The following ZSCAN4 variants were observed in gnomAD, a reference collection of about 807,000 sequenced individuals.
ZSCAN4 encodes the protein zinc finger and SCAN domain containing 4.
ZSCAN4 carries 18 observed loss-of-function variants against 18.3 expected under a neutral mutation model. The observed-to-expected ratio is 0.98, with a 90% CI of 0.68 to 1.46. The LOEUF is 1.46. ZSCAN4 is among the 40% of genes most tolerant of loss of function. ZSCAN4 has a pLI of 0.00. For synonymous variants in ZSCAN4, 193 were observed against 180.3 expected (o/e 1.07, Z -0.57); for missense variants, 498 against 511.4 (o/e 0.97, Z 0.25).
At chr19:57,678,452 T>C (rs374172840) in exon 5 of ZSCAN4, 2 of 1,614,128 alleles carry the variant, frequency 1.2e-6, no homozygotes, top group Non-Finnish European at 8.5e-7. Flanking sequence ...AGTCCTCCCC[T>C]GAGTCTGCCC....
At chr19:57,662,958 C>T in the ZSCAN4 span, among the ~76,000 whole-genome samples, 4 of 152,046 alleles carry the variant, frequency 2.6e-5, no homozygotes, top group Non-Finnish European at 4.4e-5. Context: ...TCTCAGCTCA[C>T]TGCAGCCTCA....
the ZSCAN4 span, among the ~76,000 whole-genome samples, chr19:57,657,563 G>A: frequency 2.6e-5 from 4 of 152,108 alleles, no homozygotes; most frequent in Non-Finnish European, 5.9e-5. Flanking sequence ...CACTGTAGCC[G>A]TTATTAAAGT....
upstream of ZSCAN4, among the ~76,000 whole-genome samples, chr19:57,666,806 G>T (rs897348070): frequency 6.6e-6 from 1 of 152,108 alleles, no homozygotes; most frequent in Non-Finnish European, 1.5e-5. Context: ...AGCCAAGATC[G>T]TGCCACTGCA....
intron 2 of ZSCAN4, among the ~76,000 whole-genome samples, chr19:57,672,337 G>C (rs1368239887): frequency 1.3e-5 from 2 of 152,176 alleles, no homozygotes; most frequent in East Asian, 1.9e-4. Flanking sequence ...AGTGGGTGTA[G>C]CTGGTAGTGG....
chr19:57,678,697 A>G, exon 5 of ZSCAN4: 2 of 1,614,186 alleles, frequency 1.2e-6, no homozygotes, highest in Non-Finnish European at 1.7e-6. Flanking sequence ...CACACAGGAA[A>G]GAAGCCTTTC....
intron 1 of ZSCAN4, among the ~76,000 whole-genome samples, chr19:57,669,658 C>T (rs1240514856): frequency 2.0e-5 from 3 of 151,058 alleles, no homozygotes; most frequent in African/African-American, 7.3e-5. Flanking sequence ...AACTCTTGAC[C>T]TCGTGATCCG....
At chr19:57,667,448 G>A (rs773184147), upstream of ZSCAN4, among the ~76,000 whole-genome samples, 1 of 152,178 alleles carries the variant, frequency 6.6e-6, no homozygotes, top group Non-Finnish European at 1.5e-5. Flanking sequence ...GAACTTCTCT[G>A]TGCCTCTGTT....
At chr19:57,652,848 G>C in the ZSCAN4 span, among the ~76,000 whole-genome samples, 1 of 152,070 alleles carries the variant, frequency 6.6e-6, no homozygotes, top group Non-Finnish European at 1.5e-5. Flanking sequence ...GCCTCCTTCT[G>C]TAAGAGATTT....
the ZSCAN4 span, among the ~76,000 whole-genome samples, chr19:57,663,198 C>A: frequency 1.1e-4 from 16 of 151,524 alleles, no homozygotes; most frequent in Non-Finnish European, 1.5e-5. Context: ...CCACCGCACC[C>A]GGGATTGTTA....
chr19:57,677,827 G>C (rs1310537107), intron 3 of ZSCAN4, 87 bp from the exon 4 acceptor site: 7 of 1,309,600 alleles, frequency 5.3e-6, no homozygotes, highest in African/African-American at 1.5e-5. Flanking sequence ...GAGGGAGCTT[G>C]TGAGAGCCTG....
chr19:57,675,141 CTTTT>C lies in ZSCAN4; in HGVS notation c.-105-879_-105-876del, dbSNP rs1171741360. Among the ~76,000 whole-genome samples the C allele has an allele frequency of 5.8e-4, 45 of 78,076 alleles. No homozygotes were observed. The East Asian group carries it at 7.8e-3, about 14-fold the overall frequency. The allele number at this position is 78,076 out of a possible 152,430, so 51.2% of individuals were successfully genotyped here. ...AGCTAAGTTTTGTGTGTGCGTGTGG[CTTTT>C]TTTTTTTTTTTTTTTTTTTTGAGAC... is the stretch of plus-strand genomic sequence containing the variant. On this transcript the variant is annotated intron_variant, in intron 2 of 4. Transcript: ENST00000318203.
In ZSCAN4 at chr19:57,672,604, CTT is replaced by C. The variant is rs71188041; in HGVS notation, c.-106+2052_-106+2053del. Among the ~76,000 whole-genome samples, 256 of 137,220 alleles carry C rather than the reference CTT, an allele frequency of 1.9e-3. 1 individual carries two copies. The highest frequency in any genetic ancestry group is 3.3e-3 in the African/African-American group (123 of 37,326). 90.0% of individuals were successfully genotyped at this position (137,220 alleles called of 152,430 possible). On this transcript the variant is annotated intron_variant, in intron 2 of 4. Transcript: ENST00000318203. The stretch of plus-strand genomic sequence containing the variant: ...CATATTCATCACCTCACATAGTTAT[CTT>C]TTTTTTTTTTTTTTGAGACAGAATC...
chr19:57,674,956 G>GTTT lies in ZSCAN4; in HGVS notation c.-105-1067_-105-1065dup, dbSNP rs11303340. Among the ~76,000 whole-genome samples the GTTT allele has an allele frequency of 9.5e-3, 1,223 of 128,550 alleles. 29 individuals are homozygous for GTTT. The highest frequency in any genetic ancestry group is 0.033 in the African/African-American group (1,104 of 33,566). 84.3% of individuals were successfully genotyped at this position (128,550 alleles called of 152,430 possible). A position where few individuals can be genotyped will look rare whatever the true frequency, so the allele number is the denominator to read the frequency against. On this transcript the variant is annotated intron_variant, in intron 2 of 4. Coordinates refer to ENST00000318203, the Ensembl canonical transcript of ZSCAN4. ...CTTTATAAAATATTTTTCACATCAA[G>GTTT]TTTTTTTTTTTTTTTTTTTTAAGAG...
At chr19:57,674,576 G>C (rs1419588294) in intron 2 of ZSCAN4, among the ~76,000 whole-genome samples, 1 of 152,004 alleles carries the variant, frequency 6.6e-6, no homozygotes, top group African/African-American at 2.4e-5. Flanking sequence ...ACCACTGGTA[G>C]ACTCTTAGGT....
At chr19:57,676,734 T>C (rs1300222960) in intron 3 of ZSCAN4, among the ~76,000 whole-genome samples, 193 bp downstream of exon 3, 2 of 152,226 alleles carry the variant, frequency 1.3e-5, no homozygotes, top group African/African-American at 4.8e-5. Context: ...CAAAAAGGTA[T>C]ATATCTGTTT....
At chr19:57,678,563 C>A (rs1436950639) in exon 5 of ZSCAN4, 2 of 1,614,068 alleles carry the variant, frequency 1.2e-6, no homozygotes, top group South Asian at 1.1e-5. Flanking sequence ...GCCCCAAGGT[C>A]TTTAAGTATC....
chr19:57,655,340 G>A, the ZSCAN4 span, among the ~76,000 whole-genome samples: 7 of 152,014 alleles, frequency 4.6e-5, no homozygotes, highest in East Asian at 3.9e-4. Flanking sequence ...TTTCAATGTC[G>A]CCAGCACTGG....
intron 1 of ZSCAN4, among the ~76,000 whole-genome samples, chr19:57,669,931 C>T (rs181463819): frequency 6.6e-6 from 1 of 152,190 alleles, no homozygotes; most frequent in Non-Finnish European, 1.5e-5. Context: ...TTCACAGAGT[C>T]TTGCTCTGTC....
At chr19:57,665,617 C>G (rs573385467), upstream of ZSCAN4, among the ~76,000 whole-genome samples, 18 of 152,170 alleles carry the variant, frequency 1.2e-4, no homozygotes, top group African/African-American at 4.1e-4. Flanking sequence ...TAAAGTCACC[C>G]TTTTTCTAAA....
Sources: gnomAD v4.1 joint callset for allele counts (sites outside exome capture counted in the v4.1 genomes callset) on GRCh38, gnomAD v4.1.1 for gene constraint, MANE v1.5 for transcripts, NCBI Gene and HGNC (gene_info 2026-07-23, HGNC 2026-07-21) for gene names.